ANKH: variants seen among roughly 807,000 people sequenced by gnomAD.
ANKH encodes the protein ANKH inorganic pyrophosphate transport regulator, also known as mineralization regulator ANKH.
In ANKH, 15 loss-of-function variants were observed where a neutral mutation model predicts 49.0. The observed-to-expected ratio is 0.31, with a 90% CI of 0.20 to 0.47. ANKH has a LOEUF of 0.47. ANKH is among the 20% of genes least tolerant of loss of function. ANKH has a pLI of 1.00. For synonymous variants in ANKH, 273 were observed against 260.0 expected (o/e 1.05, Z -0.48); for missense variants, 429 against 652.0 (o/e 0.66, Z 3.72).
intron 1 of ANKH, chr5:14,798,502 T>A (rs1740463529): frequency 1.1e-6 from 1 of 920,746 alleles, no homozygotes. Flanking sequence ...TTTTTTTTTT[T>A]AATTAACAAA....
chr5:14,813,073 T>G (rs1740934457), intron 1 of ANKH, among the ~76,000 whole-genome samples: 1 of 152,042 alleles, frequency 6.6e-6, no homozygotes, highest in African/African-American at 2.4e-5. Context: ...AAACCCTATC[T>G]CTACAAAAAA....
chr5:14,760,007 G>C (rs1281038159), intron 2 of ANKH, among the ~76,000 whole-genome samples: 1 of 152,150 alleles, frequency 6.6e-6, no homozygotes, highest in South Asian at 2.1e-4. Flanking sequence ...TGGTTTCAAG[G>C]TGTGGGAAGC....
At chr5:14,719,051 A>AT (rs1400463805) in intron 8 of ANKH, among the ~76,000 whole-genome samples, 1 of 152,208 alleles carries the variant, frequency 6.6e-6, no homozygotes, top group Admixed American at 6.5e-5. Context: ...AGACTGAAAG[A>AT]TACCAGTTTC....
chr5:14,711,332 A>G (rs370096673), intron 11 of ANKH, 22 bp from the exon 12 acceptor site: 1 of 1,604,664 alleles, frequency 6.2e-7, no homozygotes, highest in South Asian at 1.1e-5. Context: ...AAGACTCATC[A>G]GTGTGGGGCT....
chr5:14,741,867 A>C lies in ANKH; in HGVS notation c.971T>G (p.Ile324Ser), dbSNP rs1363768033. The C allele has an allele frequency of 6.2e-7, 1 of 1,614,026 alleles. No individual in the cohort carries two copies. Among genetic ancestry groups the C allele is most frequent in the East Asian group, 2.2e-5 (1 of 44,890 alleles). Residue 324 changes from isoleucine (I) to serine (S), a missense_variant, in exon 8 of 12, where the codon ATC becomes AGC. Physicochemically the swap from Ile to Ser is moderately radical, Grantham distance 142 (BLOSUM62 -2). Around this residue, in one of 2 missense-constraint regions of ANKH, gnomAD observed 378 missense variants for 615.3 expected, o/e 0.61. Coordinates refer to ENST00000284268, the MANE Select transcript of ANKH (RefSeq NM_054027.6). ...STSNTVTAAH[I>S]KKFTFVCMAL... ...CATGCAGACGAAGGTGAACTTCTTG[A>C]TGTGGGCTGCCGTGACTGTGTTGCT...
chr5:14,709,732 T>G lies in ANKH; in HGVS notation c.*1465A>C, dbSNP rs1228236183. 1 of 152,648 alleles carries G rather than the reference T, an allele frequency of 6.6e-6. No individual in the cohort carries two copies. The highest frequency in any genetic ancestry group is 2.4e-5 in the African/African-American group (1 of 41,458). The allele number at this position is 152,648 out of a possible 1,614,324, so 9.5% of individuals were successfully genotyped here. A position where few individuals can be genotyped will look rare whatever the true frequency, so the allele number is the denominator to read the frequency against. On this transcript the variant is annotated 3_prime_UTR_variant, in exon 12 of 12. Transcript: ENST00000284268. ...ATTCAAATGCAAATGACGGACTTTA[T>G]AAAACTGCTGCCAATAAGGTACAAT...
chr5:14,849,730 C>T (rs1203468538), intron 1 of ANKH, among the ~76,000 whole-genome samples: 2 of 152,208 alleles, frequency 1.3e-5, no homozygotes, highest in African/African-American at 4.8e-5. Context: ...CTCATTCTAA[C>T]CATAGCTGTG....
chr5:14,734,010 A>G (rs907056846), intron 8 of ANKH, among the ~76,000 whole-genome samples: 2 of 152,244 alleles, frequency 1.3e-5, no homozygotes, highest in Admixed American at 6.5e-5. Context: ...AAGTCGATCA[A>G]TGAAGCCCTA....
chr5:14,784,759 C>T (rs1056179833), intron 1 of ANKH, among the ~76,000 whole-genome samples: 7 of 152,262 alleles, frequency 4.6e-5, no homozygotes, highest in Middle Eastern at 6.8e-3. Context: ...ACTGAAGCTT[C>T]CAAGGAGCTC....
At chr5:14,847,519 G>A (rs2270561) in intron 1 of ANKH, among the ~76,000 whole-genome samples, 16,955 of 152,204 alleles carry the variant, frequency 0.11, 1,382 homozygotes, top group East Asian at 0.44. Context: ...GGCACATTCA[G>A]GCTTCCATCA....
At position 14,801,636 on chromosome 5, in the gene ANKH, C is replaced by T. The variant is rs370520823; in HGVS notation, c.97-32445G>A. On this transcript the variant is annotated intron_variant, in intron 1 of 11. Coordinates refer to ENST00000284268, the MANE Select transcript of ANKH (RefSeq NM_054027.6). The stretch of plus-strand genomic sequence containing the variant: ...CCTACAGAACCTTGCTTTTGAGGTT[C>T]ATGTTACAAAGTCCTCCATAGGACA... 4.1e-4 allele frequency among the ~76,000 whole-genome samples: 62 copies of T among 152,296 alleles called. 1 individual carries two copies. The South Asian group carries it at 0.012, about 31-fold the overall frequency.
intron 3 of ANKH, among the ~76,000 whole-genome samples, chr5:14,757,854 C>A (rs138495683): frequency 6.6e-6 from 1 of 152,144 alleles, no homozygotes; most frequent in Non-Finnish European, 1.5e-5. Flanking sequence ...ATAGCTGCTA[C>A]GAAGATCAGT....
chr5:14,733,571 G>A lies in ANKH; in HGVS notation c.1011+8256C>T, dbSNP rs1485301189. Among the ~76,000 whole-genome samples the A allele has an allele frequency of 1.7e-4, 26 of 152,144 alleles. 1 individual carries two copies. Among genetic ancestry groups the A allele is most frequent in the Non-Finnish European group, 4.4e-5 (3 of 68,026 alleles). On this transcript the variant is annotated intron_variant, in intron 8 of 11. Transcript: ENST00000284268. ...GTTACTTCATTAAACTTACAAAATG[G>A]CCATTTAGCATGCAATCAGCTGTTT...
chr5:14,866,819 T>C (rs1358819897), intron 1 of ANKH, among the ~76,000 whole-genome samples: 2 of 152,192 alleles, frequency 1.3e-5, no homozygotes, highest in East Asian at 3.9e-4. Context: ...TTCTTGGTCA[T>C]AATATCCCTT....
In ANKH at chr5:14,707,915, C is replaced by G. The variant is rs1737002784; in HGVS notation, c.*3282G>C. On this transcript the variant is annotated 3_prime_UTR_variant, in exon 12 of 12. Coordinates refer to ENST00000284268, the MANE Select transcript of ANKH (RefSeq NM_054027.6). ...CGATGCAGGCAGTCATGGGGGATGA[C>G]TGTTTTTTACCCAGAAATGCAAACA... 1 of 152,170 alleles carries G rather than the reference C, an allele frequency of 6.6e-6. No homozygotes were observed. Among genetic ancestry groups the G allele is most frequent in the African/African-American group, 2.4e-5 (1 of 41,438 alleles). 9.4% of individuals were successfully genotyped at this position (152,170 alleles called of 1,614,324 possible).
intron 1 of ANKH, among the ~76,000 whole-genome samples, chr5:14,852,659 C>T (rs566612425): frequency 1.3e-5 from 2 of 152,150 alleles, no homozygotes; most frequent in East Asian, 1.9e-4. Flanking sequence ...AACTGCCTTA[C>T]GTGTGTCCCT....
chr5:14,813,028 G>C (rs142328040), intron 1 of ANKH, among the ~76,000 whole-genome samples: 1 of 152,106 alleles, frequency 6.6e-6, no homozygotes, highest in Non-Finnish European at 1.5e-5. Context: ...ATCACTTGAA[G>C]CCAGACATTT....
chr5:14,736,006 C>CTTTTTTTTT (rs540010631), intron 8 of ANKH, among the ~76,000 whole-genome samples: 4 of 83,664 alleles, frequency 4.8e-5, no homozygotes, highest in African/African-American at 2.3e-4. Context: ...AAAAACCTAA[C>CTTTTTTTTT]TTTTTTTTTT....
At chr5:14,871,300 G>C (rs577083093) in intron 1 of ANKH, 52 bp downstream of exon 1, 2 of 1,521,378 alleles carry the variant, frequency 1.3e-6, no homozygotes. Flanking sequence ...GTGTCCGGGC[G>C]TGTAAGGCCA....
Sources: gnomAD v4.1 joint callset for allele counts (sites outside exome capture counted in the v4.1 genomes callset) on GRCh38, gnomAD v4.1.1 for gene constraint, gnomAD v4.1.1 regional missense constraint, MANE v1.5 for transcripts, NCBI Gene and HGNC (gene_info 2026-07-23, HGNC 2026-07-21) for gene names.